The following BRMS1 variants were observed in gnomAD, a reference collection of about 807,000 sequenced individuals.
The protein encoded by BRMS1 is BRMS1 transcriptional repressor and anoikis regulator.
A neutral mutation model predicts 40.4 loss-of-function variants in BRMS1; 26 were observed. The ratio of observed to expected loss-of-function variants is 0.64; its 90% CI spans 0.47 to 0.89. The LOEUF (loss-of-function observed/expected upper bound fraction) is 0.89, where lower values mean the gene tolerates loss of function less well. Among genes scored for constraint, BRMS1 ranks in the 40% least tolerant of loss-of-function variants. The pLI, the probability that BRMS1 is intolerant of heterozygous loss-of-function variation, is 0.00. For missense variants in BRMS1, 289 were observed against 309.4 expected (o/e 0.93, Z 0.49); for synonymous variants, 103 against 116.0 (o/e 0.89, Z 0.72).
chr11:66,343,538 G>A (rs1590631137), intron 1 of BRMS1, among the ~76,000 whole-genome samples: 1 of 152,164 alleles, frequency 6.6e-6, no homozygotes, highest in African/African-American at 2.4e-5. Context: ...ACCAGGACCT[G>A]GAGCCCGATG....
rs1006046062 is a variant in BRMS1, at chr11:66,338,503, C to T, written c.693+218G>A. 3.3e-6 allele frequency: 5 copies of T among 1,528,122 alleles called. No homozygotes were observed. In the African/African-American group the frequency reaches 6.9e-5, roughly 21 times the overall value. The allele number at this position is 1,528,122 out of a possible 1,614,324, so 94.7% of individuals were successfully genotyped here. A position where few individuals can be genotyped will look rare whatever the true frequency, so the allele number is the denominator to read the frequency against. ...CACCCTCCCACCCCATCAAAACCTG[C>T]CCCAGAACGGGAAGGGGCTGACACA... is the stretch of plus-strand genomic sequence containing the variant. On this transcript the variant is annotated intron_variant, in intron 8 of 9. Coordinates refer to ENST00000359957, the MANE Select transcript of BRMS1 (RefSeq NM_015399.4).
At position 66,340,267 on chromosome 11, in the gene BRMS1, T is replaced by C. The variant is rs986915918; in HGVS notation, c.536-54A>G. 6.0e-6 allele frequency: 9 copies of C among 1,496,596 alleles called. No homozygotes were observed. In the South Asian group the frequency reaches 1.0e-4, roughly 17 times the overall value. The allele number at this position is 1,496,596 out of a possible 1,614,324, so 92.7% of individuals were successfully genotyped here. On this transcript the variant is annotated intron_variant, in intron 6 of 9. Coordinates refer to ENST00000359957, the MANE Select transcript of BRMS1 (RefSeq NM_015399.4). ...GGTGCTGGCCCACAGGATACTCCCT[T>C]TTCTGTAGCCTCTGCCTCCACCATG...
chr11:66,343,340 TCATCTAACATGTATTGAA>T (rs1855126662), intron 1 of BRMS1, among the ~76,000 whole-genome samples: 1 of 152,244 alleles, frequency 6.6e-6, no homozygotes, highest in African/African-American at 2.4e-5. Flanking sequence ...TTTTACTGAC[TCATCTAACATGTATTGAA>T]CATCTAACAT....
Position 66,341,107 on chromosome 11 carries a change from G to T in BRMS1, c.359-61C>A. On this transcript the variant is annotated intron_variant, in intron 4 of 9. Coordinates refer to ENST00000359957, the MANE Select transcript of BRMS1 (RefSeq NM_015399.4). The surrounding 1 kb of genome is among the most constrained non-coding windows in gnomAD (Gnocchi z 4.9). Reference sequence around the variant, plus strand: ...GGGAGCCCGGTGCCCACATAGGAGGGCTGAGAGCAAAGGGCAAGGCCGGGC... The same window carrying T: ...GGGAGCCCGGTGCCCACATAGGAGGTCTGAGAGCAAAGGGCAAGGCCGGGC... 3 of 1,611,856 alleles carry T rather than the reference G, an allele frequency of 1.9e-6. No homozygotes were observed. The highest frequency in any genetic ancestry group is 2.5e-6 in the Non-Finnish European group (3 of 1,178,914).
rs1236400653 is a variant in BRMS1 at position 66,337,552 on chromosome 11, G to A, written c.*330C>T. 9.6e-6 allele frequency: 8 copies of A among 836,430 alleles called. No homozygotes were observed. The East Asian group carries it at 1.6e-4, about 17-fold the overall frequency. 51.8% of individuals were successfully genotyped at this position (836,430 alleles called of 1,614,324 possible). ...AGCCTGCATCCAACATCAGCAAGAGGATGTGGCTTTGACTTCGGCTGTCTT... is the reference window on the plus strand; with the variant it reads ...AGCCTGCATCCAACATCAGCAAGAGAATGTGGCTTTGACTTCGGCTGTCTT... On this transcript the variant is annotated 3_prime_UTR_variant, in exon 10 of 10. Transcript: ENST00000359957.
At chr11:66,342,576 A>C (rs572384633) in intron 1 of BRMS1, among the ~76,000 whole-genome samples, 34 of 152,228 alleles carry the variant, frequency 2.2e-4, no homozygotes, top group African/African-American at 7.7e-4. Flanking sequence ...TTTTCTTCTT[A>C]TTATTTTTTG....
At chr11:66,339,054 TCA>T (rs1008766323) in intron 7 of BRMS1, among the ~76,000 whole-genome samples, 1 of 152,138 alleles carries the variant, frequency 6.6e-6, no homozygotes, top group Non-Finnish European at 1.5e-5. Flanking sequence ...CCATCCCATC[TCA>T]CTCTGCAGCA....
At chr11:66,340,342 G>A (rs957310489) in intron 6 of BRMS1, 129 bp from the exon 7 acceptor site, 6 of 739,584 alleles carry the variant, frequency 8.1e-6, no homozygotes, top group Non-Finnish European at 1.4e-5. Flanking sequence ...TGGGCTTGGG[G>A]TAGAAGCCCC....
chr11:66,343,172 T>A (rs1220181299), intron 1 of BRMS1, among the ~76,000 whole-genome samples: 1 of 152,246 alleles, frequency 6.6e-6, no homozygotes, highest in Non-Finnish European at 1.5e-5. Context: ...ACACTGGCTG[T>A]TCCTACTTTC....
At chr11:66,340,651 C>T in intron 6 of BRMS1, 123 bp downstream of exon 6, 2 of 807,746 alleles carry the variant, frequency 2.5e-6, no homozygotes, top group Non-Finnish European at 3.9e-6. Flanking sequence ...TCAGCCCTCA[C>T]ACTGACCCCA....
At position 66,342,010 on chromosome 11, in the gene BRMS1, G is replaced by T. The variant is rs1354841143; in HGVS notation, c.139+86C>A. The T allele has an allele frequency of 2.1e-6, 3 of 1,445,834 alleles. No homozygotes were observed. In the African/African-American group the frequency reaches 4.2e-5, roughly 20 times the overall value. 89.6% of individuals were successfully genotyped at this position (1,445,834 alleles called of 1,614,324 possible). On this transcript the variant is annotated intron_variant, in intron 2 of 9. Coordinates refer to ENST00000359957, the MANE Select transcript of BRMS1 (RefSeq NM_015399.4). ...GCGCTGTATGTGCATGTGCGTGCAT[G>T]CTTGTGTGTAGGGGCTGTGTGTGTG...
chr11:66,338,844 C>T lies in BRMS1; in HGVS notation c.629-59G>A, dbSNP rs546797413. On this transcript the variant is annotated intron_variant, in intron 7 of 9. Transcript: ENST00000359957. The stretch of plus-strand genomic sequence containing the variant: ...GGCAGGTGACGAGGGCAGGGCCACC[C>T]ACCTGACATTCAGGAGTGGGGGTAC... 20 of 1,476,424 alleles carry T rather than the reference C, an allele frequency of 1.4e-5. No homozygotes were observed. The East Asian group carries it at 3.7e-4, about 27-fold the overall frequency. The allele number at this position is 1,476,424 out of a possible 1,614,324, so 91.5% of individuals were successfully genotyped here. A position where few individuals can be genotyped will look rare whatever the true frequency, so the allele number is the denominator to read the frequency against.
rs953844109 is a variant in BRMS1, at chr11:66,337,620, A to C, written c.*262T>G. The C allele has an allele frequency of 1.4e-6, 2 of 1,398,748 alleles. No individual in the cohort carries two copies. Among genetic ancestry groups the C allele is most frequent in the Non-Finnish European group, 1.9e-6 (2 of 1,033,722 alleles). The allele number at this position is 1,398,748 out of a possible 1,614,324, so 86.6% of individuals were successfully genotyped here. ...CAAGAGATGGATCTTCAGGAGTGGGAGGTGGCAGGCGGCTCAGGGATGGAG... is the reference window on the plus strand; with the variant it reads ...CAAGAGATGGATCTTCAGGAGTGGGCGGTGGCAGGCGGCTCAGGGATGGAG... On this transcript the variant is annotated 3_prime_UTR_variant, in exon 10 of 10. Coordinates refer to ENST00000359957, the MANE Select transcript of BRMS1 (RefSeq NM_015399.4).
At chr11:66,338,464 T>A in intron 8 of BRMS1, 182 bp from the exon 9 acceptor site, 1 of 1,512,440 alleles carries the variant, frequency 6.6e-7, no homozygotes, top group Non-Finnish European at 8.8e-7. Flanking sequence ...TCAGCGGCTC[T>A]CCCGCCTCCC....
chr11:66,341,422 C>T lies in BRMS1; in HGVS notation c.231-89G>A, dbSNP rs567277375. 6 of 1,602,460 alleles carry T rather than the reference C, an allele frequency of 3.7e-6. No individual in the cohort carries two copies. In the African/African-American group the frequency reaches 4.0e-5, roughly 11 times the overall value. Reference sequence around the variant, plus strand: ...CCCAGCACCCATTCCACAGCAAGCCCGGTGTTAGGCGCGCACTTCCTGGGC... The same window carrying T: ...CCCAGCACCCATTCCACAGCAAGCCTGGTGTTAGGCGCGCACTTCCTGGGC... On this transcript the variant is annotated intron_variant, in intron 3 of 9. Transcript: ENST00000359957. The surrounding 1 kb of genome is among the most constrained non-coding windows in gnomAD (Gnocchi z 4.9).
chr11:66,342,056 C>CTGTGCG, intron 2 of BRMS1, 40 bp downstream of exon 2: 1 of 1,490,350 alleles, frequency 6.7e-7, no homozygotes, highest in Non-Finnish European at 9.2e-7. Flanking sequence ...TGTAGGGGCT[C>CTGTGCG]TGTGTGTGTG....
At position 66,340,878 on chromosome 11, in the gene BRMS1, A is replaced by T; in HGVS notation, c.439-8T>A. On this transcript the variant is annotated splice_polypyrimidine_tract_variant and splice_region_variant and intron_variant, in intron 5 of 9. Transcript: ENST00000359957. ...GAGCAGCAGCTTCTCACTCTGGAAG[A>T]GGGGGCAATAGCTCAGCAGGACGGA... The T allele has an allele frequency of 6.2e-7, 1 of 1,613,974 alleles. No homozygotes were observed. The highest frequency in any genetic ancestry group is 8.5e-7 in the Non-Finnish European group (1 of 1,179,930).
intron 7 of BRMS1, 80 bp from the exon 8 acceptor site, chr11:66,338,865 G>C (rs1473477804): frequency 3.6e-6 from 5 of 1,390,732 alleles, no homozygotes; most frequent in Non-Finnish European, 4.9e-6. Context: ...CAGGAGTGGG[G>C]GTACAGCGGA....
rs746612499 is a variant in BRMS1 at position 66,341,349 on chromosome 11, G to T, written c.231-16C>A. 1 of 1,609,888 alleles carries T rather than the reference G, an allele frequency of 6.2e-7. No homozygotes were observed. Among genetic ancestry groups the T allele is most frequent in the Non-Finnish European group, 8.5e-7 (1 of 1,176,678 alleles). On this transcript the variant is annotated splice_polypyrimidine_tract_variant and intron_variant, in intron 3 of 9. Coordinates refer to ENST00000359957, the MANE Select transcript of BRMS1 (RefSeq NM_015399.4). The surrounding 1 kb of genome is among the most constrained non-coding windows in gnomAD (Gnocchi z 4.9). Reference sequence around the variant, plus strand: ...CCTGAACAACCTGCGTGGTAAAAAGGCAGCCGTGCACCCATTTGCTCACCC... The same window carrying T: ...CCTGAACAACCTGCGTGGTAAAAAGTCAGCCGTGCACCCATTTGCTCACCC...
Sources: allele counts gnomAD v4.1 joint callset (sites outside exome capture counted in the v4.1 genomes callset), GRCh38; gene constraint gnomAD v4.1.1; non-coding constraint Gnocchi (gnomAD v3.1); transcripts MANE v1.5; gene names NCBI Gene and HGNC (gene_info 2026-07-23, HGNC 2026-07-21).